The following CNTNAP2 variants were observed in gnomAD, a reference collection of about 807,000 sequenced individuals.
CNTNAP2 encodes the protein contactin-associated protein-like 2.
A neutral mutation model predicts 155.2 loss-of-function variants in CNTNAP2; 98 were observed. That is an observed-to-expected ratio of 0.63 (90% confidence interval 0.54 to 0.75). The LOEUF (loss-of-function observed/expected upper bound fraction) is 0.75, where lower values mean the gene tolerates loss of function less well. CNTNAP2 is among the 30% of genes least tolerant of loss of function. CNTNAP2 has a pLI of 0.00. For synonymous variants in CNTNAP2, 651 were observed against 631.2 expected (o/e 1.03, Z -0.47); for missense variants, 1,727 against 1,688.1 (o/e 1.02, Z -0.40).
intron 1 of CNTNAP2, among the ~76,000 whole-genome samples, chr7:146,437,147 A>T (rs10242114): frequency 6.6e-6 from 1 of 151,012 alleles, no homozygotes; most frequent in Non-Finnish European, 1.5e-5. Flanking sequence ...AACGTGCATG[A>T]GAGGGATTTA....
chr7:146,157,290 A>G (rs1448875309), intron 1 of CNTNAP2, among the ~76,000 whole-genome samples: 3 of 152,166 alleles, frequency 2.0e-5, no homozygotes, highest in African/African-American at 7.2e-5. Context: ...AGGTTCCAAG[A>G]TGGCCGAATA....
chr7:147,520,338 TATCAA>T (rs1203351748), intron 11 of CNTNAP2, among the ~76,000 whole-genome samples: 1 of 152,198 alleles, frequency 6.6e-6, no homozygotes, highest in African/African-American at 2.4e-5. Flanking sequence ...TCCTGTGCAA[TATCAA>T]ATCAAGTAGA....
At chr7:148,052,779 G>A (rs1423776203) in intron 15 of CNTNAP2, among the ~76,000 whole-genome samples, 2 of 152,218 alleles carry the variant, frequency 1.3e-5, no homozygotes, top group African/African-American at 4.8e-5. Flanking sequence ...CAGGCACAGT[G>A]GCTCACGCCT....
intron 3 of CNTNAP2, among the ~76,000 whole-genome samples, chr7:146,878,280 CA>C (rs1206810942): frequency 6.6e-6 from 1 of 151,780 alleles, no homozygotes; most frequent in African/African-American, 2.4e-5. Context: ...TCCATTTGGC[CA>C]GTGGCAAACC....
chr7:147,055,612 G>C (rs1157133002), intron 4 of CNTNAP2, among the ~76,000 whole-genome samples: 1 of 152,172 alleles, frequency 6.6e-6, no homozygotes, highest in Non-Finnish European at 1.5e-5. Flanking sequence ...TGAGAGAAAG[G>C]CATCTCAAGT....
intron 10 of CNTNAP2, among the ~76,000 whole-genome samples, chr7:147,428,944 G>A (rs1315373800): frequency 6.6e-6 from 1 of 151,954 alleles, no homozygotes; most frequent in East Asian, 1.9e-4. Context: ...ACTCTTTCCC[G>A]ATTCTCCAAA....
intron 14 of CNTNAP2, among the ~76,000 whole-genome samples, chr7:147,916,843 C>G (rs1254695022): frequency 6.6e-6 from 1 of 152,158 alleles, no homozygotes; most frequent in Admixed American, 6.5e-5. Context: ...ACTGAAAGTT[C>G]ACCCTCACAC....
At chr7:147,817,904 CAAAA>C (rs56695268) in intron 13 of CNTNAP2, among the ~76,000 whole-genome samples, 1 of 95,572 alleles carries the variant, frequency 1.0e-5, no homozygotes. Context: ...GACTCTGTCT[CAAAA>C]AAAAAAAAAA....
At chr7:148,293,151 C>A (rs1230508723) in intron 21 of CNTNAP2, among the ~76,000 whole-genome samples, 2 of 151,988 alleles carry the variant, frequency 1.3e-5, no homozygotes, top group African/African-American at 4.8e-5. Context: ...CTTTCTTTTT[C>A]TTTGTAACTC....
intron 14 of CNTNAP2, among the ~76,000 whole-genome samples, chr7:147,924,211 C>T (rs989024147): frequency 4.0e-4 from 59 of 145,718 alleles, no homozygotes; most frequent in African/African-American, 1.5e-3. Flanking sequence ...ACGATCGCAG[C>T]TCACCCAACC....
At chr7:147,866,078 CTAT>C (rs2116693820) in intron 13 of CNTNAP2, among the ~76,000 whole-genome samples, 1 of 152,320 alleles carries the variant, frequency 6.6e-6, no homozygotes, top group South Asian at 2.1e-4. Context: ...AAATTTCCCT[CTAT>C]ACACTGCTTT....
At chr7:146,200,509 T>TATAC (rs386411571) in intron 1 of CNTNAP2, among the ~76,000 whole-genome samples, 76 of 110,730 alleles carry the variant, frequency 6.9e-4, no homozygotes, top group African/African-American at 2.2e-3. Context: ...TATATATATA[T>TATAC]ACACACACAC....
Position 146,712,250 on chromosome 7 carries a change from CAAATATGTATACATATCTTATGTATACA to C in CNTNAP2, c.98-62020_98-61993del, listed in dbSNP as rs1316956741. Among the ~76,000 whole-genome samples, 46 of 100,760 alleles carry C rather than the reference CAAATATGTATACATATCTTATGTATACA, an allele frequency of 4.6e-4. 1 individual carries two copies. The highest frequency in any genetic ancestry group is 7.6e-4 in the South Asian group (2 of 2,644). 66.1% of individuals were successfully genotyped at this position (100,760 alleles called of 152,430 possible). A position where few individuals can be genotyped will look rare whatever the true frequency, so the allele number is the denominator to read the frequency against. Reference sequence around the variant, plus strand: ...AATATGTATACATATCTTATGTATACAAATATGTATACATATCTTATGTATACATATATGTATACATATCTTATGTATA... The same window carrying C: ...AATATGTATACATATCTTATGTATACTATATGTATACATATCTTATGTATA... On this transcript the variant is annotated intron_variant, in intron 1 of 23. Coordinates refer to ENST00000361727, the MANE Select transcript of CNTNAP2 (RefSeq NM_014141.6).
At chr7:147,754,396 T>C (rs989646218) in intron 13 of CNTNAP2, among the ~76,000 whole-genome samples, 15 of 152,150 alleles carry the variant, frequency 9.9e-5, no homozygotes, top group African/African-American at 3.4e-4. Context: ...AAGATATCAG[T>C]GAAGTTTTCA....
intron 21 of CNTNAP2, among the ~76,000 whole-genome samples, chr7:148,274,020 C>T (rs1232439601): frequency 3.3e-5 from 5 of 152,112 alleles, no homozygotes; most frequent in Admixed American, 1.3e-4. Context: ...ACTGTGATAA[C>T]CATGCTGCTC....
chr7:146,918,289 T>C lies in CNTNAP2; in HGVS notation c.402+78385T>C, dbSNP rs192397520. Among the ~76,000 whole-genome samples the C allele has an allele frequency of 1.1e-4, 17 of 152,340 alleles. No homozygotes were observed. In the East Asian group the frequency reaches 3.3e-3, roughly 29 times the overall value. ...TGTTTTATAGGTCCTGTGAGATTTA[T>C]GCTCTAAGGAGATTCTATTTTGGTG... On this transcript the variant is annotated intron_variant, in intron 3 of 23. Coordinates refer to ENST00000361727, the MANE Select transcript of CNTNAP2 (RefSeq NM_014141.6).
At chr7:146,606,993 CT>C (rs1223964311) in intron 1 of CNTNAP2, among the ~76,000 whole-genome samples, 1 of 152,052 alleles carries the variant, frequency 6.6e-6, no homozygotes, top group Non-Finnish European at 1.5e-5. Flanking sequence ...TAAGGTCAGG[CT>C]TTTTATTTTG....
chr7:148,099,854 C>CTTT (rs758183945), intron 15 of CNTNAP2, among the ~76,000 whole-genome samples: 2 of 126,536 alleles, frequency 1.6e-5, no homozygotes, highest in African/African-American at 6.2e-5. Flanking sequence ...CTCCTCCCTC[C>CTTT]TTTTTTTTTT....
intron 2 of CNTNAP2, among the ~76,000 whole-genome samples, chr7:146,788,612 C>T (rs1399801140): frequency 1.3e-5 from 2 of 152,150 alleles, no homozygotes; most frequent in Admixed American, 1.3e-4. Context: ...AAACCTTCCA[C>T]ACACCTACAT....
Sources: allele counts gnomAD v4.1 joint callset (sites outside exome capture counted in the v4.1 genomes callset), GRCh38; gene constraint gnomAD v4.1.1; transcripts MANE v1.5; gene names NCBI Gene and HGNC (gene_info 2026-07-23, HGNC 2026-07-21).